The following HEMK2 variants were observed in gnomAD, a reference collection of about 807,000 sequenced individuals.
HEMK2 encodes HemK methyltransferase 2, ETF1 glutamine and histone H4 lysine, also known as methyltransferase HEMK2.
At chr21:28,841,427 A>T in the HEMK2 span, among the ~76,000 whole-genome samples, 1 of 38,382 alleles carries the variant, frequency 2.6e-5, no homozygotes, top group African/African-American at 1.9e-4. Flanking sequence ...ATATATATAA[A>T]ATATATATAT....
At chr21:28,825,943 T>C in the HEMK2 span, among the ~76,000 whole-genome samples, 2 of 152,124 alleles carry the variant, frequency 1.3e-5, no homozygotes, top group South Asian at 2.1e-4. Context: ...AAAGCACACA[T>C]GAGAAGAGGA....
At chr21:28,591,456 GA>G in the HEMK2 span, among the ~76,000 whole-genome samples, 8 of 150,792 alleles carry the variant, frequency 5.3e-5, no homozygotes, top group Admixed American at 1.3e-4. Flanking sequence ...CGTCAAGTGA[GA>G]AAAAAAAATG....
At chr21:28,667,272 A>G in the HEMK2 span, among the ~76,000 whole-genome samples, 1 of 152,166 alleles carries the variant, frequency 6.6e-6, no homozygotes, top group South Asian at 2.1e-4. Context: ...TTTTATTCCA[A>G]TGATGTGCTT....
chr21:28,638,801 C>T, the HEMK2 span, among the ~76,000 whole-genome samples: 1 of 152,146 alleles, frequency 6.6e-6, no homozygotes, highest in East Asian at 1.9e-4. Flanking sequence ...ACCACATGGC[C>T]TCATATGCAC....
the HEMK2 span, among the ~76,000 whole-genome samples, chr21:28,687,996 T>C: frequency 6.6e-6 from 1 of 152,234 alleles, no homozygotes; most frequent in Non-Finnish European, 1.5e-5. Flanking sequence ...CTTCTAAAGC[T>C]GAAAATTGAT....
chr21:28,595,037 T>A, the HEMK2 span, among the ~76,000 whole-genome samples: 1 of 152,240 alleles, frequency 6.6e-6, no homozygotes, highest in Non-Finnish European at 1.5e-5. Flanking sequence ...TTTTCAATTT[T>A]AAATTTTTGT....
chr21:28,852,109 T>A, the HEMK2 span, among the ~76,000 whole-genome samples: 2 of 152,202 alleles, frequency 1.3e-5, no homozygotes, highest in Non-Finnish European at 2.9e-5. Context: ...GCGATCACCA[T>A]CCCTGCATCT....
At chr21:28,668,040 G>T in the HEMK2 span, among the ~76,000 whole-genome samples, 1 of 152,114 alleles carries the variant, frequency 6.6e-6, no homozygotes, top group Non-Finnish European at 1.5e-5. Context: ...TTAGTATCAA[G>T]AACAATCCTG....
chr21:28,646,725 C>T, the HEMK2 span, among the ~76,000 whole-genome samples: 3 of 152,198 alleles, frequency 2.0e-5, no homozygotes, highest in African/African-American at 7.2e-5. Flanking sequence ...GGAATTGATG[C>T]TGAGTGTCAG....
the HEMK2 span, among the ~76,000 whole-genome samples, chr21:28,688,153 G>A: frequency 6.6e-6 from 1 of 152,172 alleles, no homozygotes; most frequent in African/African-American, 2.4e-5. Context: ...CACGTCAAAT[G>A]AAGGAAACCT....
the HEMK2 span, among the ~76,000 whole-genome samples, chr21:28,847,353 T>G: frequency 6.6e-6 from 1 of 152,226 alleles, no homozygotes; most frequent in South Asian, 2.1e-4. Context: ...TGATTTTGAT[T>G]TGCATTTCCC....
the HEMK2 span, among the ~76,000 whole-genome samples, chr21:28,581,607 T>C: frequency 6.6e-6 from 1 of 152,182 alleles, no homozygotes; most frequent in African/African-American, 2.4e-5. Flanking sequence ...CTGAGCAATT[T>C]CTCCCTAACT....
At chr21:28,638,109 C>G in the HEMK2 span, among the ~76,000 whole-genome samples, 1 of 152,108 alleles carries the variant, frequency 6.6e-6, no homozygotes, top group East Asian at 1.9e-4. Flanking sequence ...GGGAACACAA[C>G]GAAAACAAGA....
chr21:28,583,797 G>T, the HEMK2 span, among the ~76,000 whole-genome samples: 1 of 151,886 alleles, frequency 6.6e-6, no homozygotes, highest in East Asian at 1.9e-4. Context: ...TTATGCTCAA[G>T]AACAGAAAGC....
chr21:28,727,590 T>C, the HEMK2 span, among the ~76,000 whole-genome samples: 5 of 152,338 alleles, frequency 3.3e-5, no homozygotes, highest in South Asian at 1.0e-3. Flanking sequence ...TGAAGTGCAA[T>C]CATTTGATTT....
chr21:28,756,577 G>A, the HEMK2 span, among the ~76,000 whole-genome samples: 1 of 152,046 alleles, frequency 6.6e-6, no homozygotes, highest in Non-Finnish European at 1.5e-5. Flanking sequence ...AAACAACCTT[G>A]TGAGATAGAT....
At chr21:28,836,777 A>G in the HEMK2 span, among the ~76,000 whole-genome samples, 1 of 151,946 alleles carries the variant, frequency 6.6e-6, no homozygotes, top group South Asian at 2.1e-4. Context: ...CAGCTAACAC[A>G]TAAGGACTCA....
chr21:28,781,138 T>C, the HEMK2 span, among the ~76,000 whole-genome samples: 44 of 152,332 alleles, frequency 2.9e-4, no homozygotes, highest in Admixed American at 2.0e-3. Context: ...TTAGAGTACA[T>C]GCACCCAGGG....
chr21:28,647,197 C>T, the HEMK2 span, among the ~76,000 whole-genome samples: 1 of 151,438 alleles, frequency 6.6e-6, no homozygotes, highest in Non-Finnish European at 1.5e-5. Context: ...CAGAAAGTAG[C>T]ACTGGGGGCC....
Sources: allele counts gnomAD v4.1 joint callset (sites outside exome capture counted in the v4.1 genomes callset), GRCh38; gene constraint gnomAD v4.1.1; transcripts MANE v1.5; gene names NCBI Gene and HGNC (gene_info 2026-07-23, HGNC 2026-07-21).